The following NR3C2 variants were observed in gnomAD, a reference collection of about 807,000 sequenced individuals.
NR3C2 encodes nuclear receptor subfamily 3 group C member 2.
A neutral mutation model predicts 86.4 loss-of-function variants in NR3C2; 15 were observed. That is an observed-to-expected ratio of 0.17 (90% CI 0.12 to 0.27). The LOEUF is 0.27. Ranked by LOEUF, NR3C2 falls within the 10% of genes least tolerant of loss-of-function variation. The pLI is 1.00. For missense variants in NR3C2, 960 were observed against 1,195.6 expected (o/e 0.80, Z 2.91); for synonymous variants, 458 against 450.5 (o/e 1.02, Z -0.21).
chr4:148,414,219 C>CT (rs1286581505), intron 2 of NR3C2, among the ~76,000 whole-genome samples: 1 of 152,112 alleles, frequency 6.6e-6, no homozygotes, highest in Non-Finnish European at 1.5e-5. Context: ...ACGCATACAC[C>CT]TATATATGCA....
At chr4:148,159,416 G>T (rs764019436) in intron 4 of NR3C2, among the ~76,000 whole-genome samples, 2 of 152,090 alleles carry the variant, frequency 1.3e-5, no homozygotes, top group African/African-American at 4.8e-5. Flanking sequence ...TTAAAATACC[G>T]TATCTAAAAT....
At chr4:148,185,629 A>G (rs1306175861) in intron 4 of NR3C2, among the ~76,000 whole-genome samples, 4 of 152,138 alleles carry the variant, frequency 2.6e-5, no homozygotes, top group Admixed American at 1.3e-4. Flanking sequence ...TCTTCTAGCT[A>G]CCCAAGTCCT....
intron 2 of NR3C2, among the ~76,000 whole-genome samples, chr4:148,312,306 T>C (rs927286851): frequency 5.4e-4 from 2 of 3,708 alleles, no homozygotes; most frequent in South Asian, 0.071. Flanking sequence ...TTAGGTTATT[T>C]ACATTTATGA....
intron 2 of NR3C2, among the ~76,000 whole-genome samples, chr4:148,338,669 G>C (rs1744606793): frequency 6.6e-6 from 1 of 152,148 alleles, no homozygotes; most frequent in Non-Finnish European, 1.5e-5. Context: ...TAGGGAATGG[G>C]GTGAATGCAG....
Position 148,436,243 on chromosome 4 carries a change from G to A in NR3C2, c.618C>T (p.Ser206=), listed in dbSNP as rs1322235588. ...AGGACACAGAGTTGATTCCAGCAGGGCTGCAAACCGAAGATGTCATGTTCA... is the reference window on the plus strand; with the variant it reads ...AGGACACAGAGTTGATTCCAGCAGGACTGCAAACCGAAGATGTCATGTTCA... ...SPLNMTSSVC[S]PAGINSVSST... Residue 206 remains serine, a synonymous_variant, in exon 2 of 9, where the codon AGC becomes AGT. Coordinates refer to ENST00000358102, the MANE Select transcript of NR3C2 (RefSeq NM_000901.5). 10 of 1,614,182 alleles carry A rather than the reference G, an allele frequency of 6.2e-6. No homozygotes were observed. The highest frequency in any genetic ancestry group is 8.5e-6 in the Non-Finnish European group (10 of 1,180,030).
At chr4:148,389,572 G>C (rs1323787961) in intron 2 of NR3C2, among the ~76,000 whole-genome samples, 2 of 151,968 alleles carry the variant, frequency 1.3e-5, no homozygotes, top group Non-Finnish European at 2.9e-5. Context: ...TATGGAGTGA[G>C]ATGGGGCTTT....
At chr4:148,150,482 A>G (rs1734055624) in intron 6 of NR3C2, among the ~76,000 whole-genome samples, 1 of 152,218 alleles carries the variant, frequency 6.6e-6, no homozygotes, top group Non-Finnish European at 1.5e-5. Context: ...AACACTAGCT[A>G]GCACTTCAGC....
chr4:148,171,355 C>G (rs1735115128), intron 4 of NR3C2, among the ~76,000 whole-genome samples: 1 of 152,176 alleles, frequency 6.6e-6, no homozygotes, highest in Non-Finnish European at 1.5e-5. Flanking sequence ...ATCACGAGTG[C>G]AGCTTCACAC....
intron 3 of NR3C2, among the ~76,000 whole-genome samples, chr4:148,232,932 G>C (rs1415802619): frequency 5.3e-5 from 8 of 152,142 alleles, no homozygotes. Flanking sequence ...GCTGCTTCCT[G>C]ACCTCTTTTA....
intron 2 of NR3C2, among the ~76,000 whole-genome samples, chr4:148,383,750 C>T (rs1747117933): frequency 6.6e-6 from 1 of 152,024 alleles, no homozygotes; most frequent in African/African-American, 2.4e-5. Context: ...GAGTTCAGGA[C>T]CAGCCTGGTC....
chr4:148,298,947 C>T (rs750256336), intron 2 of NR3C2, among the ~76,000 whole-genome samples: 8 of 152,186 alleles, frequency 5.3e-5, no homozygotes, highest in Admixed American at 2.6e-4. Flanking sequence ...ACCAGGGGGC[C>T]CACCTGTGCA....
intron 6 of NR3C2, among the ~76,000 whole-genome samples, chr4:148,141,468 G>A (rs1033532765): frequency 1.4e-5 from 2 of 139,814 alleles, no homozygotes; most frequent in African/African-American, 2.7e-5. Flanking sequence ...ACACACACAC[G>A]TATTTTGCTA....
At chr4:148,083,976 AAG>A (rs1339049599) in intron 8 of NR3C2, among the ~76,000 whole-genome samples, 3 of 152,164 alleles carry the variant, frequency 2.0e-5, no homozygotes, top group African/African-American at 7.2e-5. Flanking sequence ...TGAGAGAAAA[AAG>A]AGTGAAAAAG....
chr4:148,157,639 TAAG>T (rs1734463905), intron 4 of NR3C2, among the ~76,000 whole-genome samples: 1 of 152,000 alleles, frequency 6.6e-6, no homozygotes, highest in Non-Finnish European at 1.5e-5. Flanking sequence ...AAAAAAAAGT[TAAG>T]AAGCACCAAA....
At chr4:148,234,670 G>A (rs1170965292) in intron 3 of NR3C2, among the ~76,000 whole-genome samples, 1 of 145,094 alleles carries the variant, frequency 6.9e-6, no homozygotes, top group Non-Finnish European at 1.5e-5. Flanking sequence ...GCGACACAGT[G>A]AGACTCCAAC....
chr4:148,234,681 T>TAAA (rs76089180), intron 3 of NR3C2, among the ~76,000 whole-genome samples: 1 of 73,046 alleles, frequency 1.4e-5, no homozygotes, highest in Non-Finnish European at 3.0e-5. Flanking sequence ...AGACTCCAAC[T>TAAA]AAAAAAAAAA....
intron 3 of NR3C2, among the ~76,000 whole-genome samples, chr4:148,253,856 T>C (rs927913992): frequency 6.6e-6 from 1 of 152,150 alleles, no homozygotes; most frequent in Non-Finnish European, 1.5e-5. Flanking sequence ...GTCCAAGATG[T>C]CTCCAGCTAT....
intron 4 of NR3C2, among the ~76,000 whole-genome samples, chr4:148,160,617 G>A (rs1237711156): frequency 6.6e-6 from 1 of 152,136 alleles, no homozygotes; most frequent in Non-Finnish European, 1.5e-5. Flanking sequence ...AAAATAAAGT[G>A]AGAATTCTGT....
chr4:148,391,868 A>G (rs1747594410), intron 2 of NR3C2, among the ~76,000 whole-genome samples: 2 of 148,178 alleles, frequency 1.3e-5, no homozygotes, highest in African/African-American at 4.9e-5. Context: ...CTCCATTGCA[A>G]AAAAAAAAAA....
Sources: gnomAD v4.1 joint callset for allele counts (sites outside exome capture counted in the v4.1 genomes callset) on GRCh38, gnomAD v4.1.1 for gene constraint, MANE v1.5 for transcripts, NCBI Gene and HGNC (gene_info 2026-07-23, HGNC 2026-07-21) for gene names.